TFPT: variants seen among roughly 807,000 people sequenced by gnomAD.
TFPT encodes the protein INO80 complex subunit F.
Under a neutral mutation model 28.8 loss-of-function variants are expected in TFPT, and 27 were observed. The observed-to-expected ratio is 0.94, with a 90% CI of 0.69 to 1.29. The LOEUF is 1.29. Among genes scored for constraint, TFPT ranks in the 50% most tolerant of loss-of-function variants. The pLI, the probability that TFPT is intolerant of heterozygous loss-of-function variation, is 0.00. For synonymous variants in TFPT, 152 were observed against 142.8 expected (o/e 1.06, Z -0.46); for missense variants, 330 against 338.0 (o/e 0.98, Z 0.19).
At chr19:54,108,448 GA>G (rs768691187) in intron 3 of TFPT, 53 bp from the exon 4 acceptor site, 1 of 1,613,956 alleles carries the variant, frequency 6.2e-7, no homozygotes, top group Non-Finnish European at 8.5e-7. Context: ...AGCGGCTGGG[GA>G]AAAGGGCCAC....
chr19:54,109,880 A>AGTCCCGGCGC (rs1281412328), intron 3 of TFPT, among the ~76,000 whole-genome samples, 171 bp downstream of exon 3: 1 of 31,146 alleles, frequency 3.2e-5, no homozygotes, highest in Non-Finnish European at 7.3e-5. Context: ...CCTCTCCTCC[A>AGTCCCGGCGC]ACACCGAATC....
rs2073559818 is a variant in TFPT at position 54,114,549 on chromosome 19, C to T, written c.175G>A (p.Glu59Lys). ...SGGLGGSGLR[E>K]RDEEEEAARG... ...GCTGCCTCTTCCTCTTCATCTCGCT[C>T]CCGGAGCCCTGAGCCGCCCAGACCA... is the stretch of plus-strand genomic sequence containing the variant. The change falls in exon 2 of 6, where the codon GAG becomes AAG. Residue 59 changes from glutamate to lysine, a missense_variant. By Grantham distance (56) the Glu-to-Lys change is moderately conservative. Coordinates refer to ENST00000391759, the MANE Select transcript of TFPT (RefSeq NM_013342.4). 2 of 1,614,098 alleles carry T rather than the reference C, an allele frequency of 1.2e-6. No individual in the cohort carries two copies. The highest frequency in any genetic ancestry group is 1.7e-6 in the Non-Finnish European group (2 of 1,180,028).
Position 54,114,565 on chromosome 19 carries a change from G to A in TFPT, c.159C>T (p.Gly53=). Residue 53 remains glycine (G), a synonymous_variant, in exon 2 of 6, where the codon GGC becomes GGT. Transcript: ENST00000391759. ...CATCTCGCTCCCGGAGCCCTGAGCC[G>A]CCCAGACCACCTGACACAAACTCCA... The part of the protein sequence containing the change: ...TEVEFVSGGL[G]GSGLRERDEE... 1.5e-5 allele frequency: 25 copies of A among 1,613,998 alleles called. No homozygotes were observed. The highest frequency in any genetic ancestry group is 2.1e-5 in the Non-Finnish European group (25 of 1,180,016).
chr19:54,110,218 G>A (rs1431735185), intron 2 of TFPT, 97 bp from the exon 3 acceptor site: 11 of 1,317,264 alleles, frequency 8.4e-6, no homozygotes, highest in Non-Finnish European at 1.2e-5. Flanking sequence ...CTGGAGACTG[G>A]CCAAAGACCA....
intron 3 of TFPT, 46 bp from the exon 4 acceptor site, chr19:54,108,441 G>T (rs200879577): frequency 6.2e-7 from 1 of 1,613,984 alleles, no homozygotes; most frequent in Non-Finnish European, 8.5e-7. Flanking sequence ...ATCTCCTAGC[G>T]GCTGGGGAAA....
In TFPT at chr19:54,108,206, G is replaced by A. The variant is rs2073337189; in HGVS notation, c.462C>T (p.Gly154=). Residue 154 remains glycine, a synonymous_variant, in exon 5 of 6, where the codon GGC becomes GGT. Transcript: ENST00000391759. ...GSQGTDAPTP[G]NAENEPPEKE... ...TCTCTGGAGGCTCATTCTCCGCATT[G>A]CCTGGGGTGGGGGCATCCGTGCCCT... The A allele has an allele frequency of 6.3e-7, 1 of 1,598,178 alleles. No individual in the cohort carries two copies. Among genetic ancestry groups the A allele is most frequent in the Non-Finnish European group, 8.5e-7 (1 of 1,171,082 alleles).
rs775287706 is a variant in TFPT, at chr19:54,108,215, G to A, written c.453C>T (p.Pro151=). ...GCTCATTCTCCGCATTGCCTGGGGT[G>A]GGGGCATCCGTGCCCTGGCTGCCCT... The part of the protein sequence containing the change: ...EDEGSQGTDA[P]TPGNAENEPP... Residue 151 remains proline (P), a synonymous_variant, in exon 5 of 6, where the codon CCC becomes CCT. Transcript: ENST00000391759. 4.7e-5 allele frequency: 75 copies of A among 1,596,256 alleles called. No individual in the cohort carries two copies. The highest frequency in any genetic ancestry group is 5.5e-5 in the Non-Finnish European group (64 of 1,170,334).
At chr19:54,115,154 C>T in intron 1 of TFPT, 93 bp downstream of exon 1, 5 of 1,581,862 alleles carry the variant, frequency 3.2e-6, no homozygotes, top group Non-Finnish European at 4.3e-6. Context: ...CAACCCCCAT[C>T]AGACCTCAGC....
intron 2 of TFPT, among the ~76,000 whole-genome samples, chr19:54,112,961 C>T (rs1242142416): frequency 2.6e-5 from 4 of 151,466 alleles, no homozygotes; most frequent in Non-Finnish European, 5.9e-5. Flanking sequence ...GGTGTGGTGG[C>T]GGGCGCCTGT....
chr19:54,114,883 A>G (rs776904757), intron 1 of TFPT, among the ~76,000 whole-genome samples, 183 bp from the exon 2 acceptor site: 3 of 146,758 alleles, frequency 2.0e-5, no homozygotes, highest in Non-Finnish European at 4.5e-5. Flanking sequence ...CCAGAAGTCC[A>G]AGTCCGCAAC....
At chr19:54,107,258 C>G in intron 5 of TFPT, 89 bp from the exon 6 acceptor site, 1 of 1,543,408 alleles carries the variant, frequency 6.5e-7, no homozygotes, top group Non-Finnish European at 8.7e-7. Flanking sequence ...TTTTGTTTTG[C>G]TTTTTAAAGA....
Position 54,114,659 on chromosome 19 carries a change from G to C in TFPT, c.65C>G (p.Pro22Arg). Residue 22 changes from proline to arginine, a missense_variant, in exon 2 of 6, where the codon CCA (proline) becomes CGA (arginine). Physicochemically the swap from Pro to Arg is moderately radical, Grantham distance 103. Coordinates refer to ENST00000391759, the MANE Select transcript of TFPT (RefSeq NM_013342.4). ...GGGAGGCAACGCCAACTCTGAGCCT[G>C]GCGGCGCTGAGAACTCCTCAAAGCC... ...AVGFEEFSAP[P>R]GSELALPPLF... 6.2e-7 allele frequency: 1 copy of C among 1,613,948 alleles called. No individual in the cohort carries two copies. The highest frequency in any genetic ancestry group is 8.5e-7 in the Non-Finnish European group (1 of 1,180,040).
At chr19:54,111,936 C>T in intron 2 of TFPT, among the ~76,000 whole-genome samples, 1 of 148,772 alleles carries the variant, frequency 6.7e-6, no homozygotes, top group East Asian at 1.9e-4. Flanking sequence ...GCTGAGATTG[C>T]AGCATTGCAC....
intron 2 of TFPT, among the ~76,000 whole-genome samples, chr19:54,110,774 T>G (rs1376996279): frequency 6.6e-6 from 1 of 151,998 alleles, no homozygotes; most frequent in Non-Finnish European, 1.5e-5. Context: ...ACTCCTGGCT[T>G]TATTTCCTCC....
rs369757230 is a variant in TFPT at position 54,107,078 on chromosome 19, G to C, written c.734C>G (p.Pro245Arg). The C allele has an allele frequency of 6.2e-7, 1 of 1,613,884 alleles. No homozygotes were observed. Among genetic ancestry groups the C allele is most frequent in the Non-Finnish European group, 8.5e-7 (1 of 1,179,964 alleles). Residue 245 changes from proline to arginine, a missense_variant, in exon 6 of 6, where the codon CCG (proline) becomes CGG (arginine). Pro to Arg is a moderately radical substitution (Grantham distance 103). Coordinates refer to ENST00000391759, the MANE Select transcript of TFPT (RefSeq NM_013342.4). Reference sequence around the variant, plus strand: ...GTCAGAGGCTGGGCTGGCCAGGGTCGGGTAGGGCAGCAGTTTGTCTGGACC... The same window carrying C: ...GTCAGAGGCTGGGCTGGCCAGGGTCCGGTAGGGCAGCAGTTTGTCTGGACC... Reference protein sequence around the residue: ...SRGPDKLLPYPTLASPASD With the variant: ...SRGPDKLLPYRTLASPASD
At position 54,108,868 on chromosome 19, in the gene TFPT, G is replaced by A. The variant is rs587635377; in HGVS notation, c.354-473C>T. The A allele has an allele frequency of 1.6e-5, 6 of 377,320 alleles. No homozygotes were observed. The East Asian group carries it at 3.3e-4, about 21-fold the overall frequency. The allele number at this position is 377,320 out of a possible 1,614,324, so 23.4% of individuals were successfully genotyped here. A position where few individuals can be genotyped will look rare whatever the true frequency, so the allele number is the denominator to read the frequency against. Reference sequence around the variant, plus strand: ...TTCCTTAAGGTTCAATTGATGGAATGCCTCCTCTGCACCAGCACCTGGGCA... The same window carrying A: ...TTCCTTAAGGTTCAATTGATGGAATACCTCCTCTGCACCAGCACCTGGGCA... On this transcript the variant is annotated intron_variant, in intron 3 of 5. Coordinates refer to ENST00000391759, the MANE Select transcript of TFPT (RefSeq NM_013342.4).
rs1451503843 is a variant in TFPT, at chr19:54,115,419, G to C, written c.-150C>G. ...GGCCTTGTGGGAGTTGTAGTTTCCT[G>C]TTTCCGGCTTCGCTTCGGCCCACCC... On this transcript the variant is annotated 5_prime_UTR_variant, in exon 1 of 6. Coordinates refer to ENST00000391759, the MANE Select transcript of TFPT (RefSeq NM_013342.4). The C allele has an allele frequency of 9.0e-7, 1 of 1,116,898 alleles. No individual in the cohort carries two copies. Among genetic ancestry groups the C allele is most frequent in the Non-Finnish European group, 1.3e-6 (1 of 769,290 alleles). 69.2% of individuals were successfully genotyped at this position (1,116,898 alleles called of 1,614,324 possible).
At chr19:54,115,105 C>T in intron 1 of TFPT, 142 bp downstream of exon 1, 2 of 1,290,756 alleles carry the variant, frequency 1.5e-6, no homozygotes, top group East Asian at 2.3e-5. Flanking sequence ...TGACCCCAGT[C>T]CATAAAAGGG....
intron 2 of TFPT, 32 bp downstream of exon 2, chr19:54,114,410 A>G: frequency 1.3e-6 from 2 of 1,591,600 alleles, no homozygotes; most frequent in South Asian, 2.3e-5. Context: ...AGGCCAGGGG[A>G]CCCCAAAACC....
Sources: gnomAD v4.1 joint callset for allele counts (sites outside exome capture counted in the v4.1 genomes callset) on GRCh38, gnomAD v4.1.1 for gene constraint, MANE v1.5 for transcripts, NCBI Gene and HGNC (gene_info 2026-07-23, HGNC 2026-07-21) for gene names.